The following PCED1B variants were observed in gnomAD, a reference collection of about 807,000 sequenced individuals.
The protein encoded by PCED1B is PC-esterase domain-containing protein 1B.
For synonymous variants in PCED1B, 251 were observed against 246.1 expected, an observed-to-expected ratio of 1.02 and a Z score of -0.19; for missense variants, 573 against 573.9, an observed-to-expected ratio of 1.00 and a Z score of 0.02.
At chr12:47,125,636 T>C (rs1329912416) in intron 2 of PCED1B, among the ~76,000 whole-genome samples, 1 of 152,068 alleles carries the variant, frequency 6.6e-6, no homozygotes, top group Non-Finnish European at 1.5e-5. Context: ...TTCTGAACCA[T>C]AAACGTGGTA....
chr12:47,234,957 G>C, intron 3 of PCED1B, 50 bp from the exon 4 acceptor site: 2 of 1,047,020 alleles, frequency 1.9e-6, no homozygotes, highest in South Asian at 2.3e-5. Context: ...TGCACTGGGC[G>C]CTCCGCCCAG....
At chr12:47,143,193 A>G (rs1940659268) in intron 2 of PCED1B, among the ~76,000 whole-genome samples, 1 of 152,120 alleles carries the variant, frequency 6.6e-6, no homozygotes, top group Non-Finnish European at 1.5e-5. Flanking sequence ...TCTATTCAGT[A>G]TAGTATTGGA....
Position 47,166,317 on chromosome 12 carries a change from C to G in PCED1B, c.-525-49905C>G, listed in dbSNP as rs561090992. On this transcript the variant is annotated intron_variant, in intron 2 of 3. Transcript: ENST00000546455. ...GAGCCGGGCAGTTTCTCTCTCTTCA[C>G]TCCCTCATTCTCCCTTTAAAATGCC... Among the ~76,000 whole-genome samples, 18 of 152,308 alleles carry G rather than the reference C, an allele frequency of 1.2e-4. No individual in the cohort carries two copies. The South Asian group carries it at 2.3e-3, about 19-fold the overall frequency.
At chr12:47,084,202 G>A (rs1057106785) in intron 1 of PCED1B, among the ~76,000 whole-genome samples, 1 of 152,160 alleles carries the variant, frequency 6.6e-6, no homozygotes. Context: ...CTAGCCTACA[G>A]TTGAGCAAAA....
At chr12:47,218,845 A>T (rs777859419) in intron 3 of PCED1B, among the ~76,000 whole-genome samples, 3 of 151,722 alleles carry the variant, frequency 2.0e-5, no homozygotes, top group Non-Finnish European at 4.4e-5. Context: ...AATGTTTTCC[A>T]TAGATCGGCC....
chr12:47,088,205 C>T (rs749614690), intron 1 of PCED1B, among the ~76,000 whole-genome samples: 3 of 152,178 alleles, frequency 2.0e-5, no homozygotes, highest in Admixed American at 1.3e-4. Context: ...TGTGGTCTGA[C>T]GCAGCACAGA....
At chr12:47,171,924 T>C (rs1941756138) in intron 2 of PCED1B, among the ~76,000 whole-genome samples, 1 of 151,536 alleles carries the variant, frequency 6.6e-6, no homozygotes, top group South Asian at 2.1e-4. Context: ...CTTCTTCCTC[T>C]TCTATATGTA....
rs1202756750 is a variant in PCED1B at position 47,235,568 on chromosome 12, G to A, written c.505G>A (p.Gly169Ser). The change falls in exon 4 of 4, where the codon GGC (glycine) becomes AGC (serine). Residue 169 changes from glycine (G) to serine (S), a missense_variant. Physicochemically the swap from Gly to Ser is moderately conservative, Grantham distance 56 (BLOSUM62 0). Coordinates refer to ENST00000546455, the MANE Select transcript of PCED1B (RefSeq NM_138371.3). Reference protein sequence around the residue: ...LLVWNTAMPVGEEVTGGFLPP... With the variant: ...LLVWNTAMPVSEEVTGGFLPP... ...GGTGTGGAACACGGCCATGCCTGTG[G>A]GCGAGGAAGTCACCGGGGGTTTTCT... is the stretch of plus-strand genomic sequence containing the variant. 41 of 1,608,784 alleles carry A rather than the reference G, an allele frequency of 2.5e-5. No homozygotes were observed. Among genetic ancestry groups the A allele is most frequent in the Non-Finnish European group, 3.3e-5 (39 of 1,176,686 alleles).
intron 1 of PCED1B, among the ~76,000 whole-genome samples, chr12:47,099,761 T>C (rs1426585668): frequency 6.6e-6 from 1 of 152,210 alleles, no homozygotes; most frequent in Non-Finnish European, 1.5e-5. Context: ...GGTGGCCCAG[T>C]CATATTCATA....
chr12:47,121,069 G>T (rs1050946209), intron 2 of PCED1B, among the ~76,000 whole-genome samples: 2 of 152,168 alleles, frequency 1.3e-5, no homozygotes, highest in Non-Finnish European at 2.9e-5. Flanking sequence ...TTCTAAAATT[G>T]TGGTGATGGT....
intron 2 of PCED1B, among the ~76,000 whole-genome samples, chr12:47,179,149 A>G (rs892880312): frequency 4.6e-5 from 7 of 152,206 alleles, no homozygotes; most frequent in African/African-American, 1.4e-4. Flanking sequence ...ACAATTTAGA[A>G]CTAGCAACTA....
At chr12:47,126,200 C>T (rs1023087595) in intron 2 of PCED1B, among the ~76,000 whole-genome samples, 1 of 151,896 alleles carries the variant, frequency 6.6e-6, no homozygotes, top group East Asian at 1.9e-4. Flanking sequence ...CTATTCCTAG[C>T]TTAATGTGAG....
intron 2 of PCED1B, among the ~76,000 whole-genome samples, chr12:47,194,047 G>A (rs1942526172): frequency 6.6e-6 from 1 of 152,140 alleles, no homozygotes; most frequent in African/African-American, 2.4e-5. Context: ...CAGGGCCCTT[G>A]GTCATACTGT....
intron 3 of PCED1B, among the ~76,000 whole-genome samples, chr12:47,228,477 A>G (rs185144289): frequency 4.1e-4 from 63 of 152,332 alleles, no homozygotes; most frequent in Admixed American, 5.9e-4. Context: ...TGAATAAGCA[A>G]AAGATAAGAG....
At chr12:47,099,760 G>C (rs889506176) in intron 1 of PCED1B, among the ~76,000 whole-genome samples, 2 of 152,170 alleles carry the variant, frequency 1.3e-5, no homozygotes, top group African/African-American at 4.8e-5. Flanking sequence ...AGGTGGCCCA[G>C]TCATATTCAT....
At chr12:47,187,846 T>C (rs832733) in intron 2 of PCED1B, 112,378 of 153,650 alleles carry the variant, frequency 0.73, 42,117 homozygotes, top group African/African-American at 0.9. Flanking sequence ...CATTTCCACC[T>C]AGACGGGCCT....
intron 1 of PCED1B, among the ~76,000 whole-genome samples, chr12:47,081,939 T>G (rs906371394): frequency 1.3e-5 from 2 of 152,152 alleles, no homozygotes; most frequent in East Asian, 1.9e-4. Context: ...ACAGCAAAAG[T>G]AAACTAAATG....
intron 1 of PCED1B, among the ~76,000 whole-genome samples, chr12:47,084,302 A>G (rs984774465): frequency 6.6e-6 from 1 of 152,204 alleles, no homozygotes; most frequent in African/African-American, 2.4e-5. Flanking sequence ...GAAAAACAGA[A>G]TGATTGTATG....
intron 2 of PCED1B, among the ~76,000 whole-genome samples, chr12:47,153,355 CAAAAAAA>C (rs11299918): frequency 9.4e-5 from 9 of 95,272 alleles, no homozygotes; most frequent in African/African-American, 2.5e-4. Context: ...GACTCCTTCT[CAAAAAAA>C]AAAAAAAAAA....
Sources: allele counts gnomAD v4.1 joint callset (sites outside exome capture counted in the v4.1 genomes callset), GRCh38; gene constraint gnomAD v4.1.1; transcripts MANE v1.5; gene names NCBI Gene and HGNC (gene_info 2026-07-23, HGNC 2026-07-21).